The following ACCSL variants were observed in gnomAD, a reference collection of about 807,000 sequenced individuals.
ACCSL encodes the protein probable inactive 1-aminocyclopropane-1-carboxylate synthase-like protein 2.
In ACCSL, 55 loss-of-function variants were observed where a neutral mutation model predicts 61.7. That is an observed-to-expected ratio of 0.89 (90% confidence interval 0.72 to 1.12). The LOEUF (loss-of-function observed/expected upper bound fraction) is 1.12, where lower values mean the gene tolerates loss of function less well. Among genes scored for constraint, ACCSL ranks in the 50% most tolerant of loss-of-function variants. ACCSL has a pLI of 0.00. For synonymous variants in ACCSL, 258 were observed against 264.3 expected (o/e 0.98, Z 0.23); for missense variants, 632 against 698.0 (o/e 0.91, Z 1.07).
the ACCSL span, among the ~76,000 whole-genome samples, chr11:44,036,232 A>C: frequency 1.6e-3 from 251 of 152,230 alleles, no homozygotes; most frequent in Non-Finnish European, 3.0e-3. Context: ...ACCTCATACA[A>C]CCTAGAGACC....
At chr11:43,936,522 C>T in the ACCSL span, among the ~76,000 whole-genome samples, 1 of 148,550 alleles carries the variant, frequency 6.7e-6, no homozygotes, top group African/African-American at 2.5e-5. Flanking sequence ...CACACTGGCA[C>T]CCAGGGGCAT....
the ACCSL span, among the ~76,000 whole-genome samples, chr11:43,960,166 C>T: frequency 2.0e-5 from 3 of 152,180 alleles, no homozygotes; most frequent in Middle Eastern, 3.4e-3. Context: ...TATCCCTAGC[C>T]CCATGTACCA....
chr11:44,029,769 T>A, the ACCSL span, among the ~76,000 whole-genome samples: 2 of 151,956 alleles, frequency 1.3e-5, no homozygotes, highest in Non-Finnish European at 2.9e-5. Context: ...GCTTGGTGAG[T>A]TGGCCCTCCA....
the ACCSL span, among the ~76,000 whole-genome samples, chr11:44,036,853 T>G: frequency 1.3e-5 from 2 of 151,656 alleles, no homozygotes; most frequent in Non-Finnish European, 2.9e-5. Flanking sequence ...TAGGTTCCTC[T>G]ACCTCTCTCT....
the ACCSL span, among the ~76,000 whole-genome samples, chr11:44,035,654 G>A: frequency 1.3e-5 from 2 of 152,118 alleles, no homozygotes; most frequent in African/African-American, 4.8e-5. Flanking sequence ...AATAGCTGAA[G>A]GGGCAGGGCA....
At chr11:43,982,484 TC>T in the ACCSL span, among the ~76,000 whole-genome samples, 1 of 152,010 alleles carries the variant, frequency 6.6e-6, no homozygotes, top group African/African-American at 2.4e-5. Context: ...CGCCTCGGCC[TC>T]CCAAAGTGGC....
chr11:43,999,991 G>A, the ACCSL span, among the ~76,000 whole-genome samples: 1,511 of 152,286 alleles, frequency 9.9e-3, 30 homozygotes, highest in African/African-American at 0.035. Flanking sequence ...TAAAGTATAT[G>A]GAAGGGGCCA....
the ACCSL span, among the ~76,000 whole-genome samples, chr11:44,037,888 C>CATCT: frequency 2.0e-5 from 3 of 151,998 alleles, no homozygotes; most frequent in African/African-American, 7.3e-5. Flanking sequence ...TCCATCCATC[C>CATCT]ATCCATCCAT....
At chr11:43,969,966 G>A in the ACCSL span, among the ~76,000 whole-genome samples, 1 of 151,898 alleles carries the variant, frequency 6.6e-6, no homozygotes, top group East Asian at 1.9e-4. Flanking sequence ...GGTATAGGGG[G>A]AGGGTTGGAG....
chr11:44,051,539 C>A, intron 4 of ACCSL, 114 bp from the exon 5 acceptor site: 1 of 1,535,722 alleles, frequency 6.5e-7, no homozygotes, highest in Non-Finnish European at 9.0e-7. Flanking sequence ...GCCAATGTGT[C>A]CCAACTGAGG....
At chr11:44,011,883 T>C in the ACCSL span, among the ~76,000 whole-genome samples, 1 of 152,106 alleles carries the variant, frequency 6.6e-6, no homozygotes, top group African/African-American at 2.4e-5. Context: ...CAATTACCTA[T>C]CAAAATACAA....
At chr11:43,926,445 C>T in the ACCSL span, 2 of 453,546 alleles carry the variant, frequency 4.4e-6, no homozygotes, top group Admixed American at 2.4e-5. Context: ...CACTTTCAAA[C>T]TCTGTACAGA....
chr11:44,053,173 C>T, intron 7 of ACCSL, 105 bp downstream of exon 7: 1 of 1,084,638 alleles, frequency 9.2e-7, no homozygotes, highest in Non-Finnish European at 1.4e-6. Flanking sequence ...GTGGGCTGTC[C>T]TTAGTTGGAA....
chr11:44,051,048 T>TTA, intron 3 of ACCSL, among the ~76,000 whole-genome samples: 1 of 152,074 alleles, frequency 6.6e-6, no homozygotes, highest in Admixed American at 6.6e-5. Context: ...TCACCATGTT[T>TTA]GCCAGCTTGG....
the ACCSL span, among the ~76,000 whole-genome samples, chr11:43,950,082 T>A: frequency 3.9e-5 from 6 of 152,232 alleles, no homozygotes; most frequent in Non-Finnish European, 5.9e-5. Context: ...GACTACATTG[T>A]GTATTCAGTG....
At chr11:43,925,558 G>T in the ACCSL span, 1 of 419,940 alleles carries the variant, frequency 2.4e-6, no homozygotes, top group Non-Finnish European at 4.9e-6. Flanking sequence ...AGACAAGACT[G>T]GCCCCGTTCG....
chr11:43,942,075 T>TGC, the ACCSL span, among the ~76,000 whole-genome samples: 84 of 139,004 alleles, frequency 6.0e-4, 1 homozygote, highest in African/African-American at 2.1e-3. Context: ...TGTGTGTGTG[T>TGC]GCGCGCGCGC....
the ACCSL span, among the ~76,000 whole-genome samples, chr11:43,931,647 C>T: frequency 6.6e-6 from 1 of 152,192 alleles, no homozygotes; most frequent in Admixed American, 6.5e-5. Context: ...TCGTACTGCT[C>T]TGGGAAGATA....
At chr11:44,021,379 A>T in the ACCSL span, among the ~76,000 whole-genome samples, 1 of 152,152 alleles carries the variant, frequency 6.6e-6, no homozygotes. Flanking sequence ...AGTGATGTTG[A>T]GCATTTTTCA....
Sources: gnomAD v4.1 joint callset for allele counts (sites outside exome capture counted in the v4.1 genomes callset) on GRCh38, gnomAD v4.1.1 for gene constraint, MANE v1.5 for transcripts, NCBI Gene and HGNC (gene_info 2026-07-23, HGNC 2026-07-21) for gene names.